MAP3K8: variants seen among roughly 807,000 people sequenced by gnomAD.
MAP3K8 encodes the protein mitogen-activated protein kinase kinase kinase 8, also known as Ewing sarcoma transformant.
MAP3K8 carries 22 observed loss-of-function variants against 45.8 expected under a neutral mutation model. The observed-to-expected ratio is 0.48, with a 90% CI of 0.34 to 0.69. The LOEUF (loss-of-function observed/expected upper bound fraction) is 0.69. Ranked by LOEUF, MAP3K8 falls within the 30% of genes least tolerant of loss-of-function variation. The pLI, the probability that MAP3K8 is intolerant of heterozygous loss-of-function variation, is 0.01. For synonymous variants in MAP3K8, 223 were observed against 214.3 expected, an observed-to-expected ratio of 1.04 and a Z score of -0.36; for missense variants, 419 against 585.0, an observed-to-expected ratio of 0.72 and a Z score of 2.93.
chr10:30,438,581 T>A (rs1276972814), intron 2 of MAP3K8, among the ~76,000 whole-genome samples: 2 of 152,156 alleles, frequency 1.3e-5, no homozygotes, highest in Non-Finnish European at 2.9e-5. Context: ...TAGCCTAAGG[T>A]CTTCAAAGAT....
intron 3 of MAP3K8, among the ~76,000 whole-genome samples, chr10:30,446,020 G>T (rs1405299691): frequency 6.6e-6 from 1 of 151,996 alleles, no homozygotes; most frequent in Non-Finnish European, 1.5e-5. Context: ...TAGATCTGGG[G>T]ATTTGTCACA....
At chr10:30,450,859 A>T (rs893159141) in intron 5 of MAP3K8, among the ~76,000 whole-genome samples, 1 of 151,736 alleles carries the variant, frequency 6.6e-6, no homozygotes, top group South Asian at 2.1e-4. Flanking sequence ...TGGCAAGTTG[A>T]TCACCTGAAG....
In MAP3K8 at chr10:30,459,301, G is replaced by A. The variant is rs768363204; in HGVS notation, c.1073G>A (p.Ser358Asn). 1.2e-6 allele frequency: 2 copies of A among 1,614,162 alleles called. No individual in the cohort carries two copies. The highest frequency in any genetic ancestry group is 2.2e-5 in the South Asian group (2 of 91,084). The change falls in exon 8 of 9, where the codon AGT (serine) becomes AAT (asparagine). Residue 358 changes from serine to asparagine, a missense_variant. Physicochemically the swap from Ser to Asn is conservative, Grantham distance 46. Coordinates refer to ENST00000263056, the MANE Select transcript of MAP3K8 (RefSeq NM_005204.4). ...PPLEDIADDCSPGMRELIEAS... is the reference protein window; with the variant it reads ...PPLEDIADDCNPGMRELIEAS... ...CTGGAAGACATTGCAGATGACTGCA[G>A]TCCAGGGATGAGAGAGCTGATAGAA...
At chr10:30,453,514 C>T (rs950233056) in intron 6 of MAP3K8, among the ~76,000 whole-genome samples, 2 of 152,104 alleles carry the variant, frequency 1.3e-5, no homozygotes, top group African/African-American at 4.8e-5. Context: ...AAAATGCGTT[C>T]GCGGGCTTCC....
chr10:30,450,306 T>C lies in MAP3K8; in HGVS notation c.553T>C (p.Phe185Leu). The change falls in exon 5 of 9, where the codon TTC becomes CTC. Residue 185 changes from phenylalanine to leucine, a missense_variant. By Grantham distance (22) the Phe-to-Leu change is conservative. Transcript: ENST00000263056. ...KPSDVEIQAC[F>L]RHENIAELYG... ...ATCTGATGTGGAAATCCAGGCTTGC[T>C]TCCGGCACGAGAACATCGCAGAGCT... is the stretch of plus-strand genomic sequence containing the variant. 6.2e-7 allele frequency: 1 copy of C among 1,612,120 alleles called. No individual in the cohort carries two copies. The highest frequency in any genetic ancestry group is 8.5e-7 in the Non-Finnish European group (1 of 1,178,438).
intron 3 of MAP3K8, among the ~76,000 whole-genome samples, chr10:30,444,674 G>A (rs1030714666): frequency 6.6e-6 from 1 of 152,174 alleles, no homozygotes; most frequent in African/African-American, 2.4e-5. Context: ...GAATGGGGGT[G>A]AAGGAACTTG....
At chr10:30,437,564 G>T (rs1440390010) in intron 2 of MAP3K8, among the ~76,000 whole-genome samples, 158 bp downstream of exon 2, 1 of 152,200 alleles carries the variant, frequency 6.6e-6, no homozygotes, top group Non-Finnish European at 1.5e-5. Flanking sequence ...ATGTTGGATT[G>T]CAGGATGCTA....
intron 6 of MAP3K8, among the ~76,000 whole-genome samples, chr10:30,457,269 T>C (rs1323119617): frequency 6.6e-6 from 1 of 152,220 alleles, no homozygotes; most frequent in African/African-American, 2.4e-5. Flanking sequence ...TATGGCTGCA[T>C]TTAATATTTA....
At position 30,460,977 on chromosome 10, in the gene MAP3K8, T is replaced by G. The variant is rs1193189712; in HGVS notation, c.*141T>G. The G allele has an allele frequency of 1.0e-6, 1 of 982,732 alleles. No individual in the cohort carries two copies. Among genetic ancestry groups the G allele is most frequent in the African/African-American group, 1.7e-5 (1 of 60,246 alleles). The allele number at this position is 982,732 out of a possible 1,614,324, so 60.9% of individuals were successfully genotyped here. ...ACCTCCTGTGACCCGTGAATGTGCC[T>G]CCAAGCGGCCCTGTGTGTTTGACAT... On this transcript the variant is annotated 3_prime_UTR_variant, in exon 9 of 9. Transcript: ENST00000263056.
Position 30,450,757 on chromosome 10 carries a change from T to G in MAP3K8, c.766+238T>G. On this transcript the variant is annotated intron_variant, in intron 5 of 8. Transcript: ENST00000263056. ...TTGAAAGGTTATAGCTACATACCTA[T>G]TAGGTACTGCTCTGTTAAAAAGGCT... The G allele has an allele frequency of 1.4e-5, 7 of 503,646 alleles. No individual in the cohort carries two copies. In the South Asian group the frequency reaches 1.5e-4, roughly 11 times the overall value. The allele number at this position is 503,646 out of a possible 1,614,324, so 31.2% of individuals were successfully genotyped here.
At chr10:30,437,960 TG>T (rs1434048842) in intron 2 of MAP3K8, among the ~76,000 whole-genome samples, 7 of 152,266 alleles carry the variant, frequency 4.6e-5, no homozygotes, top group African/African-American at 1.7e-4. Flanking sequence ...TCTAAAATCC[TG>T]AGTAACAACG....
intron 3 of MAP3K8, among the ~76,000 whole-genome samples, chr10:30,447,438 C>G (rs965518734): frequency 2.0e-5 from 3 of 152,166 alleles, no homozygotes; most frequent in African/African-American, 7.2e-5. Flanking sequence ...AACCTGCAGG[C>G]ACGGTTTATA....
At chr10:30,445,723 T>C (rs542388235) in intron 3 of MAP3K8, among the ~76,000 whole-genome samples, 3 of 152,346 alleles carry the variant, frequency 2.0e-5, no homozygotes, top group South Asian at 2.1e-4. Context: ...TCTGCACTTA[T>C]TCATGTTAGC....
chr10:30,438,065 G>A (rs1835970098), intron 2 of MAP3K8, among the ~76,000 whole-genome samples: 1 of 152,182 alleles, frequency 6.6e-6, no homozygotes, highest in African/African-American at 2.4e-5. Context: ...TGCAATTTTG[G>A]TTAATATAGT....
intron 1 of MAP3K8, chr10:30,434,718 G>A (rs1451906627): frequency 1.0e-6 from 1 of 985,552 alleles, no homozygotes; most frequent in Non-Finnish European, 1.2e-6. Context: ...GACGCCGCCT[G>A]GACGGCCGCA....
At chr10:30,451,307 G>GA (rs1176893289) in intron 5 of MAP3K8, among the ~76,000 whole-genome samples, 2 of 152,044 alleles carry the variant, frequency 1.3e-5, no homozygotes, top group African/African-American at 4.8e-5. Flanking sequence ...CTTTCACTGG[G>GA]AAAAAAGATG....
At chr10:30,437,150 T>C (rs1428019750) in intron 1 of MAP3K8, 26 bp from the exon 2 acceptor site, 7 of 985,104 alleles carry the variant, frequency 7.1e-6, no homozygotes, top group Non-Finnish European at 8.4e-6. Flanking sequence ...TGCCTTTTTT[T>C]TCTCTCTCTT....
intron 3 of MAP3K8, among the ~76,000 whole-genome samples, chr10:30,443,796 T>C (rs1223938411): frequency 6.6e-6 from 1 of 152,230 alleles, no homozygotes; most frequent in Non-Finnish European, 1.5e-5. Flanking sequence ...GACAGTGATC[T>C]GGATGAGGAG....
chr10:30,453,954 A>AGGAAGGAAGGAAGGAAGGAAGGAAGGAG (rs1329532399), intron 6 of MAP3K8, among the ~76,000 whole-genome samples: 3 of 134,722 alleles, frequency 2.2e-5, no homozygotes, highest in African/African-American at 7.7e-5. Context: ...GAAGGAAGGA[A>AGGAAGGAAGGAAGGAAGGAAGGAAGGAG]GGAGAAAGAA....
Sources: gnomAD v4.1 joint callset for allele counts (sites outside exome capture counted in the v4.1 genomes callset) on GRCh38, gnomAD v4.1.1 for gene constraint, MANE v1.5 for transcripts, NCBI Gene and HGNC (gene_info 2026-07-23, HGNC 2026-07-21) for gene names.